QTMAN: variants seen among roughly 807,000 people sequenced by gnomAD.
QTMAN encodes queuosine-tRNA mannosyltransferase.
the QTMAN span, chr2:144,006,605 T>C: frequency 6.6e-6 from 1 of 152,126 alleles, no homozygotes; most frequent in Non-Finnish European, 1.5e-5. Context: ...TTTTATTTGG[T>C]GAGATCACAT....
At chr2:144,219,294 C>T in the QTMAN span, among the ~76,000 whole-genome samples, 12 of 152,068 alleles carry the variant, frequency 7.9e-5, no homozygotes, top group Non-Finnish European at 4.4e-5. Context: ...CCATGCTTGG[C>T]TAATTTTTGT....
At chr2:144,182,912 T>A in the QTMAN span, among the ~76,000 whole-genome samples, 2 of 104,940 alleles carry the variant, frequency 1.9e-5, no homozygotes, top group African/African-American at 7.2e-5. Flanking sequence ...TATATATATA[T>A]ATAAAATATG....
the QTMAN span, among the ~76,000 whole-genome samples, chr2:144,087,582 C>T: frequency 6.6e-6 from 1 of 151,966 alleles, no homozygotes; most frequent in Non-Finnish European, 1.5e-5. Context: ...TACTAGCAAA[C>T]TGAATCCAAC....
the QTMAN span, among the ~76,000 whole-genome samples, chr2:144,032,680 G>A: frequency 9.2e-5 from 14 of 152,268 alleles, no homozygotes; most frequent in African/African-American, 3.4e-4. Context: ...GTGGTGGTGG[G>A]GGACTTCAAC....
chr2:144,178,102 A>G, the QTMAN span, among the ~76,000 whole-genome samples: 1 of 152,164 alleles, frequency 6.6e-6, no homozygotes, highest in Non-Finnish European at 1.5e-5. Flanking sequence ...GTTCCTGGAT[A>G]TATTTTCATG....
chr2:144,330,990 T>C, the QTMAN span, among the ~76,000 whole-genome samples: 1 of 152,208 alleles, frequency 6.6e-6, no homozygotes, highest in African/African-American at 2.4e-5. Context: ...CTTTGCAAAC[T>C]GGTGATGTTA....
At chr2:143,970,908 A>G in the QTMAN span, 2 of 620,828 alleles carry the variant, frequency 3.2e-6, no homozygotes, top group Non-Finnish European at 5.8e-6. Flanking sequence ...TTCTTCCTAT[A>G]ACTTCACACT....
chr2:143,992,680 T>A, the QTMAN span, among the ~76,000 whole-genome samples: 1 of 152,180 alleles, frequency 6.6e-6, no homozygotes, highest in East Asian at 1.9e-4. Flanking sequence ...TACTTTCAGA[T>A]GAGACTGCCA....
the QTMAN span, among the ~76,000 whole-genome samples, chr2:144,321,364 G>C: frequency 6.6e-6 from 1 of 152,156 alleles, no homozygotes; most frequent in African/African-American, 2.4e-5. Flanking sequence ...AATGTGTTTG[G>C]CTAGATTTCT....
chr2:144,201,174 G>C, the QTMAN span, among the ~76,000 whole-genome samples: 1 of 152,166 alleles, frequency 6.6e-6, no homozygotes. Flanking sequence ...TGCTAAAATA[G>C]AGGTCTCATT....
At chr2:144,218,228 A>C in the QTMAN span, among the ~76,000 whole-genome samples, 1 of 152,234 alleles carries the variant, frequency 6.6e-6, no homozygotes, top group African/African-American at 2.4e-5. Context: ...TTGTATTACC[A>C]TGTAAATATA....
At chr2:144,134,774 A>G in the QTMAN span, among the ~76,000 whole-genome samples, 10 of 152,286 alleles carry the variant, frequency 6.6e-5, no homozygotes, top group South Asian at 1.9e-3. Context: ...TTTACTCAAA[A>G]TCTAAACTTA....
chr2:144,307,652 C>T, the QTMAN span, among the ~76,000 whole-genome samples: 1 of 152,164 alleles, frequency 6.6e-6, no homozygotes, highest in Non-Finnish European at 1.5e-5. Context: ...TATCAAGGTT[C>T]AATATGTAAA....
the QTMAN span, among the ~76,000 whole-genome samples, chr2:144,107,635 C>G: frequency 1.3e-5 from 2 of 152,102 alleles, no homozygotes; most frequent in African/African-American, 4.8e-5. Flanking sequence ...CCAAAAAAGT[C>G]CAGGACCAGA....
At chr2:144,309,871 G>A in the QTMAN span, among the ~76,000 whole-genome samples, 6 of 148,882 alleles carry the variant, frequency 4.0e-5, no homozygotes, top group African/African-American at 1.5e-4. Context: ...TAACCCCTAG[G>A]TAATAAATCT....
the QTMAN span, among the ~76,000 whole-genome samples, chr2:144,033,811 G>C: frequency 6.6e-6 from 1 of 152,096 alleles, no homozygotes; most frequent in African/African-American, 2.4e-5. Flanking sequence ...AACAACAAAA[G>C]ACACTCCTTT....
chr2:144,270,766 T>TACAA, the QTMAN span, among the ~76,000 whole-genome samples: 3 of 152,190 alleles, frequency 2.0e-5, no homozygotes, highest in South Asian at 2.1e-4. Flanking sequence ...GGCACATGTA[T>TACAA]ACCTTTGTAA....
At chr2:144,298,087 C>T in the QTMAN span, among the ~76,000 whole-genome samples, 1 of 150,972 alleles carries the variant, frequency 6.6e-6, no homozygotes, top group East Asian at 2.0e-4. Context: ...GGCGCGATCT[C>T]GGCTCACTTC....
the QTMAN span, chr2:143,957,451 C>G: frequency 1.7e-6 from 1 of 578,980 alleles, no homozygotes. Context: ...CTTATTTTAA[C>G]GAACTTCTTG....
Sources: allele counts gnomAD v4.1 joint callset (sites outside exome capture counted in the v4.1 genomes callset), GRCh38; gene constraint gnomAD v4.1.1; transcripts MANE v1.5; gene names NCBI Gene and HGNC (gene_info 2026-07-23, HGNC 2026-07-21).